Variants in PTPRN2 observed in about 807,000 individuals in gnomAD.
The protein encoded by PTPRN2 is receptor-type tyrosine-protein phosphatase N2.
A neutral mutation model predicts 118.8 loss-of-function variants in PTPRN2; 74 were observed. The ratio of observed to expected loss-of-function variants is 0.62; its 90% CI spans 0.52 to 0.76. The LOEUF (loss-of-function observed/expected upper bound fraction) is 0.76. Among genes scored for constraint, PTPRN2 ranks in the 30% least tolerant of loss-of-function variants. The pLI is 0.00. For synonymous variants in PTPRN2, 641 were observed against 608.0 expected (o/e 1.05, Z -0.80); for missense variants, 1,481 against 1,394.4 (o/e 1.06, Z -0.99).
intron 2 of PTPRN2, among the ~76,000 whole-genome samples, chr7:158,484,223 GCCTCTCAGTAC>G (rs1435138552): frequency 6.6e-6 from 1 of 152,072 alleles, no homozygotes; most frequent in Non-Finnish European, 1.5e-5. Flanking sequence ...CCACCTCAGA[GCCTCTCAGTAC>G]CACCAAAGGG....
intron 3 of PTPRN2, among the ~76,000 whole-genome samples, chr7:158,278,673 TAC>T (rs1799205072): frequency 6.6e-6 from 1 of 152,202 alleles, no homozygotes; most frequent in African/African-American, 2.4e-5. Context: ...CGGTGAGTGT[TAC>T]AGTTTTTAAA....
At chr7:157,766,316 C>A (rs760095086) in intron 12 of PTPRN2, among the ~76,000 whole-genome samples, 2 of 149,988 alleles carry the variant, frequency 1.3e-5, no homozygotes, top group Non-Finnish European at 3.0e-5. Context: ...TTACATCCAT[C>A]CACCCATCCA....
At chr7:157,754,399 A>G (rs1801662939) in intron 12 of PTPRN2, among the ~76,000 whole-genome samples, 1 of 152,228 alleles carries the variant, frequency 6.6e-6, no homozygotes, top group African/African-American at 2.4e-5. Flanking sequence ...GCTTCCACCA[A>G]ACAGGGTGGT....
At position 158,177,380 on chromosome 7, in the gene PTPRN2, G is replaced by A. The variant is rs12669679; in HGVS notation, c.550-10089C>T. On this transcript the variant is annotated intron_variant, in intron 5 of 22. Transcript: ENST00000389418. ...TTGTATATCTTTTTATGAAGTATCC[G>A]TTCAAAGTTTTTATACATTTTTGCA... is the stretch of plus-strand genomic sequence containing the variant. Among the ~76,000 whole-genome samples the A allele has an allele frequency of 4.3e-3, 653 of 152,110 alleles. 14 individuals carry two copies. The East Asian group carries it at 0.06, about 14-fold the overall frequency.
intron 2 of PTPRN2, among the ~76,000 whole-genome samples, chr7:158,476,588 C>A (rs1820283197): frequency 6.6e-6 from 1 of 152,254 alleles, no homozygotes; most frequent in Non-Finnish European, 1.5e-5. Flanking sequence ...CAGCAGGCAC[C>A]CTCACCCTGT....
intron 3 of PTPRN2, among the ~76,000 whole-genome samples, chr7:158,275,325 C>T (rs1798889246): frequency 2.0e-5 from 3 of 152,296 alleles, no homozygotes; most frequent in Admixed American, 2.0e-4. Context: ...AGGCGCGCAC[C>T]TCCTCACGCC....
Position 157,591,663 on chromosome 7 carries a change from G to A in PTPRN2, c.2496+3575C>T, listed in dbSNP as rs1800993030. 6.6e-6 allele frequency among the ~76,000 whole-genome samples: 1 copy of A among 152,246 alleles called. No individual in the cohort carries two copies. Among genetic ancestry groups the A allele is most frequent in the African/African-American group, 2.4e-5 (1 of 41,464 alleles). On this transcript the variant is annotated intron_variant, in intron 17 of 22. Transcript: ENST00000389418. The surrounding 1 kb of genome is among the most constrained non-coding windows in gnomAD (Gnocchi z 4.4). ...TTGAATTTTTAAGAATGTCAATCTT[G>A]GGGCTTACTGGTAAGTATTCAATGA...
chr7:158,366,179 GC>G (rs1426867362), intron 2 of PTPRN2, among the ~76,000 whole-genome samples: 4 of 144,638 alleles, frequency 2.8e-5, no homozygotes, highest in African/African-American at 1.0e-4. Context: ...AGAAGCTGCA[GC>G]CCAATGCACG....
chr7:158,021,996 C>G (rs1806912239), intron 11 of PTPRN2, among the ~76,000 whole-genome samples: 1 of 152,148 alleles, frequency 6.6e-6, no homozygotes, highest in African/African-American at 2.4e-5. Context: ...CCTGGCTGAG[C>G]CGGGCAGCCT....
rs1287514271 is a variant in PTPRN2, at chr7:157,751,613, A to G, written c.1789-68676T>C. Among the ~76,000 whole-genome samples, 11 of 151,624 alleles carry G rather than the reference A, an allele frequency of 7.3e-5. 1 individual carries two copies. The South Asian group carries it at 1.9e-3, about 26-fold the overall frequency. ...TAAGACACACGAGATCATTGTTTGGAAGGCGTTTTCCCTTCTCTCTCCCTC... is the reference window on the plus strand; with the variant it reads ...TAAGACACACGAGATCATTGTTTGGGAGGCGTTTTCCCTTCTCTCTCCCTC... On this transcript the variant is annotated intron_variant, in intron 12 of 22. Transcript: ENST00000389418.
rs757750814 is a variant in PTPRN2, at chr7:158,022,836, A to T, written c.1723+58462T>A. 6.6e-6 allele frequency among the ~76,000 whole-genome samples: 1 copy of T among 152,260 alleles called. No individual in the cohort carries two copies. The highest frequency in any genetic ancestry group is 1.5e-5 in the Non-Finnish European group (1 of 68,040). On this transcript the variant is annotated intron_variant, in intron 11 of 22. Transcript: ENST00000389418. The surrounding 1 kb of genome is among the most constrained non-coding windows in gnomAD (Gnocchi z 4.6). ...CTGTTGGGTTACTTGAAAAATAGGA[A>T]GAAAAAGAAGACAATATCCCTGGAC...
At chr7:157,829,968 T>TCC (rs1807446879) in intron 12 of PTPRN2, among the ~76,000 whole-genome samples, 1 of 152,196 alleles carries the variant, frequency 6.6e-6, no homozygotes, top group Non-Finnish European at 1.5e-5. Context: ...GCACTGTCCC[T>TCC]CCATGCTTCC....
intron 11 of PTPRN2, among the ~76,000 whole-genome samples, chr7:157,913,585 T>G (rs1200223545): frequency 6.6e-6 from 1 of 152,258 alleles, no homozygotes; most frequent in African/African-American, 2.4e-5. Flanking sequence ...TTATTCAACA[T>G]TTTTATTATG....
Position 157,622,445 on chromosome 7 carries a change from G to A in PTPRN2, c.2197-936C>T, listed in dbSNP as rs113989771. On this transcript the variant is annotated intron_variant, in intron 14 of 22. Coordinates refer to ENST00000389418, the MANE Select transcript of PTPRN2 (RefSeq NM_002847.5). The surrounding 1 kb of genome is among the most constrained non-coding windows in gnomAD (Gnocchi z 5.3). ...CTGCCCACCCCCTGACATCCCCTTC[G>A]ATTGATCCGAGGAGCTGGGATGGTC... Among the ~76,000 whole-genome samples the A allele has an allele frequency of 1.1e-3, 170 of 152,204 alleles. 4 individuals are homozygous for A. The East Asian group carries it at 0.026, about 23-fold the overall frequency.
chr7:158,352,951 T>G (rs4909198), intron 2 of PTPRN2, among the ~76,000 whole-genome samples: 138,969 of 151,936 alleles, frequency 0.91, 63,904 homozygotes, highest in Non-Finnish European at 0.96. Context: ...CCCAGTTACA[T>G]TCAGGCCACC....
At chr7:158,394,571 G>A (rs1017125614) in intron 2 of PTPRN2, among the ~76,000 whole-genome samples, 14 of 152,208 alleles carry the variant, frequency 9.2e-5, no homozygotes, top group African/African-American at 3.1e-4. Context: ...TCAGAGCTCC[G>A]GGTGGTCTCT....
In PTPRN2 at chr7:157,927,227, G is replaced by C. The variant is rs79774304; in HGVS notation, c.1724-28490C>G. On this transcript the variant is annotated intron_variant, in intron 11 of 22. Coordinates refer to ENST00000389418, the MANE Select transcript of PTPRN2 (RefSeq NM_002847.5). The stretch of plus-strand genomic sequence containing the variant: ...CAAAGACAGGAAGCCCCAGGGACCC[G>C]TCTGAGAGCAGAGGCCTCGCGTCTT... 6.0e-3 allele frequency among the ~76,000 whole-genome samples: 353 copies of C among 58,740 alleles called. 10 individuals are homozygous for C. The highest frequency in any genetic ancestry group is 9.0e-3 in the Non-Finnish European group (249 of 27,700). The allele number at this position is 58,740 out of a possible 152,430, so 38.5% of individuals were successfully genotyped here.
At chr7:158,450,482 T>A (rs1279732749) in intron 2 of PTPRN2, among the ~76,000 whole-genome samples, 1 of 152,196 alleles carries the variant, frequency 6.6e-6, no homozygotes, top group Non-Finnish European at 1.5e-5. Context: ...TAAGTGAATA[T>A]TCATCCAAAC....
At chr7:157,741,427 T>C (rs545436961) in intron 12 of PTPRN2, among the ~76,000 whole-genome samples, 2 of 152,294 alleles carry the variant, frequency 1.3e-5, no homozygotes, top group Non-Finnish European at 2.9e-5. Flanking sequence ...CACTGAAGGC[T>C]CTTCGGCACC....
Sources: allele counts gnomAD v4.1 joint callset (sites outside exome capture counted in the v4.1 genomes callset), GRCh38; gene constraint gnomAD v4.1.1; non-coding constraint Gnocchi (gnomAD v3.1); transcripts MANE v1.5; gene names NCBI Gene and HGNC (gene_info 2026-07-23, HGNC 2026-07-21).